The following VPS8 variants were observed in gnomAD, a reference collection of about 807,000 sequenced individuals.
VPS8 encodes vacuolar protein sorting-associated protein 8 homolog.
In VPS8, 129 loss-of-function variants were observed where a neutral mutation model predicts 216.4. That is an observed-to-expected ratio of 0.60 (90% CI 0.52 to 0.69). The LOEUF is 0.69. Ranked by LOEUF, VPS8 falls within the 30% of genes least tolerant of loss-of-function variation. VPS8 has a pLI of 0.00. For missense variants in VPS8, 1,531 were observed against 1,683.5 expected (o/e 0.91, Z 1.59); for synonymous variants, 571 against 565.4 (o/e 1.01, Z -0.14).
intron 34 of VPS8, among the ~76,000 whole-genome samples, chr3:184,935,453 G>T (rs1741436740): frequency 6.6e-6 from 1 of 152,144 alleles, no homozygotes; most frequent in South Asian, 2.1e-4. Context: ...GAGATACATT[G>T]TGAATGTTGC....
In VPS8 at chr3:184,982,626, A is replaced by G; in HGVS notation, c.3481A>G (p.Ile1161Val). ...MAPQKLSSSAIPHLHSEALKS... is the reference protein window; with the variant it reads ...MAPQKLSSSAVPHLHSEALKS... Reference sequence around the variant, plus strand: ...CCCTCAGAAGCTGTCCAGTTCAGCCATTCCTCATCTACACTCTGAAGGTAA... The same window carrying G: ...CCCTCAGAAGCTGTCCAGTTCAGCCGTTCCTCATCTACACTCTGAAGGTAA... Residue 1161 changes from isoleucine to valine, a missense_variant, in exon 41 of 48, where the codon ATT becomes GTT. Physicochemically the swap from Ile to Val is conservative, Grantham distance 29 (BLOSUM62 3). Coordinates refer to ENST00000625842, the MANE Select transcript of VPS8 (RefSeq NM_001009921.3). 2 of 1,611,818 alleles carry G rather than the reference A, an allele frequency of 1.2e-6. No homozygotes were observed. The highest frequency in any genetic ancestry group is 1.7e-6 in the Non-Finnish European group (2 of 1,179,066).
intron 21 of VPS8, among the ~76,000 whole-genome samples, chr3:184,884,036 C>G (rs902245034): frequency 6.6e-6 from 1 of 152,066 alleles, no homozygotes; most frequent in Non-Finnish European, 1.5e-5. Flanking sequence ...AGTTTTTGAA[C>G]TTGCTTCTTT....
chr3:184,957,501 C>T lies in VPS8; in HGVS notation c.3163C>T (p.Arg1055Cys), dbSNP rs781652239. 1.1e-5 allele frequency: 17 copies of T among 1,610,848 alleles called. No individual in the cohort carries two copies. The highest frequency in any genetic ancestry group is 6.7e-5 in the Admixed American group (4 of 59,566). The change falls in exon 37 of 48, where the codon CGT becomes TGT. Residue 1055 changes from arginine to cysteine, a missense_variant. Physicochemically the swap from Arg to Cys is radical, Grantham distance 180. Coordinates refer to ENST00000625842, the MANE Select transcript of VPS8 (RefSeq NM_001009921.3). ...GACTCTGCAAGTCCTTGAGTGCTAC[C>T]GTCTGGAAGAAACTATTCAGGTGAG... ...IETLQVLECY[R>C]LEETIQITQK... is the part of the protein sequence containing the mutation.
intron 46 of VPS8, among the ~76,000 whole-genome samples, chr3:185,037,723 C>G (rs1007445548): frequency 3.3e-5 from 5 of 152,182 alleles, no homozygotes; most frequent in African/African-American, 1.2e-4. Flanking sequence ...AATTCTTCTG[C>G]TGGCTCAAAT....
intron 22 of VPS8, among the ~76,000 whole-genome samples, chr3:184,891,272 C>T (rs1024980663): frequency 2.0e-5 from 3 of 152,100 alleles, no homozygotes; most frequent in Non-Finnish European, 4.4e-5. Flanking sequence ...CTGTTAAATC[C>T]AAAGTGAACT....
chr3:184,849,362 T>G, intron 9 of VPS8, 167 bp downstream of exon 9: 1 of 753,786 alleles, frequency 1.3e-6, no homozygotes, highest in Non-Finnish European at 2.0e-6. Flanking sequence ...AAATTTTACA[T>G]AATTGTTATC....
Position 184,936,272 on chromosome 3 carries a change from A to G in VPS8, c.2925A>G (p.Lys975=), listed in dbSNP as rs1741593220. 1 of 1,610,940 alleles carries G rather than the reference A, an allele frequency of 6.2e-7. No individual in the cohort carries two copies. The highest frequency in any genetic ancestry group is 1.1e-5 in the South Asian group (1 of 90,158). The part of the protein sequence containing the change: ...IEELVSLKPC[K]AAELVATHFS... The stretch of plus-strand genomic sequence containing the variant: ...AACTCGTGTCCCTGAAGCCTTGTAA[A>G]GCTGCGGAGCTGGTTGCCACCCACT... The change falls in exon 35 of 48, where the codon AAA becomes AAG. Residue 975 remains lysine, a synonymous_variant. Transcript: ENST00000625842.
intron 28 of VPS8, 34 bp from the exon 29 acceptor site, chr3:184,920,093 T>C: frequency 3.6e-6 from 5 of 1,384,036 alleles, no homozygotes; most frequent in Non-Finnish European, 4.9e-6. Flanking sequence ...GTGCAAATAA[T>C]AATTACTTTA....
chr3:185,035,294 A>T (rs980953029), intron 46 of VPS8, among the ~76,000 whole-genome samples: 20 of 152,186 alleles, frequency 1.3e-4, no homozygotes, highest in Admixed American at 1.1e-3. Flanking sequence ...AATCTGGCAG[A>T]GACACGATGT....
At chr3:185,003,037 A>C (rs1246320242) in intron 45 of VPS8, among the ~76,000 whole-genome samples, 2 of 152,320 alleles carry the variant, frequency 1.3e-5, no homozygotes, top group African/African-American at 4.8e-5. Context: ...TGTTTTCCAT[A>C]ATAGTTGTAC....
intron 23 of VPS8, among the ~76,000 whole-genome samples, chr3:184,897,254 A>G (rs1278108680): frequency 6.6e-6 from 1 of 152,166 alleles, no homozygotes; most frequent in Non-Finnish European, 1.5e-5. Context: ...GGTAACAGTG[A>G]GATGAAGAGA....
intron 36 of VPS8, among the ~76,000 whole-genome samples, chr3:184,944,057 ACAC>A (rs200833662): frequency 0.01 from 1,590 of 152,260 alleles, 28 homozygotes; most frequent in African/African-American, 0.036. Context: ...ACACACACAC[ACAC>A]ACAAACAAAC....
At chr3:184,920,063 T>C in intron 28 of VPS8, 64 bp from the exon 29 acceptor site, 1 of 1,120,286 alleles carries the variant, frequency 8.9e-7, no homozygotes, top group South Asian at 1.5e-5. Flanking sequence ...AAGAATTTAA[T>C]AACTTGTTTT....
rs560431751 is a variant in VPS8 at position 184,941,418 on chromosome 3, C to CTT, written c.3035+1193_3035+1194dup. Among the ~76,000 whole-genome samples, 494 of 135,540 alleles carry CTT rather than the reference C, an allele frequency of 3.6e-3. 2 individuals carry two copies. The highest frequency in any genetic ancestry group is 6.8e-3 in the Admixed American group (91 of 13,462). The allele number at this position is 135,540 out of a possible 152,430, so 88.9% of individuals were successfully genotyped here. On this transcript the variant is annotated intron_variant, in intron 36 of 47. Transcript: ENST00000625842. ...CAGATTATTACTGAGGGTAGACATC[C>CTT]TTTTTTTTTTTTTTTTTTTAAATTC... is the stretch of plus-strand genomic sequence containing the variant.
At chr3:185,029,999 G>A (rs1757895725) in intron 46 of VPS8, among the ~76,000 whole-genome samples, 1 of 152,132 alleles carries the variant, frequency 6.6e-6, no homozygotes, top group East Asian at 1.9e-4. Context: ...GGCTCTAATT[G>A]ATAATTTCAG....
At chr3:184,839,905 A>C (rs1721805548) in intron 7 of VPS8, 153 bp downstream of exon 7, 1 of 1,407,212 alleles carries the variant, frequency 7.1e-7, no homozygotes, top group South Asian at 1.7e-5. Flanking sequence ...ATAGCTAAAA[A>C]TTATTTGCCT....
At chr3:184,848,561 ATTC>A (rs1422173640) in intron 8 of VPS8, among the ~76,000 whole-genome samples, 2 of 90,500 alleles carry the variant, frequency 2.2e-5, no homozygotes, top group South Asian at 3.6e-4. Context: ...TTTTTCCTGT[ATTC>A]TTTTTTTTTT....
chr3:185,019,464 C>A (rs1033108569), intron 45 of VPS8, among the ~76,000 whole-genome samples: 2 of 152,152 alleles, frequency 1.3e-5, no homozygotes, highest in African/African-American at 4.8e-5. Context: ...GACAGCAAGC[C>A]AGTGATAAGC....
chr3:185,010,235 C>A (rs987276065), intron 45 of VPS8, among the ~76,000 whole-genome samples: 1 of 152,142 alleles, frequency 6.6e-6, no homozygotes, highest in African/African-American at 2.4e-5. Context: ...AAAGATAAAA[C>A]TATTTGCAAG....
Sources: allele counts gnomAD v4.1 joint callset (sites outside exome capture counted in the v4.1 genomes callset), GRCh38; gene constraint gnomAD v4.1.1; transcripts MANE v1.5; gene names NCBI Gene and HGNC (gene_info 2026-07-23, HGNC 2026-07-21).